The following TUNAR variants were observed in gnomAD, a reference collection of about 807,000 sequenced individuals.
TUNAR encodes transmembrane neural differentiation associated intracellular calcium regulator, also known as protein TUNAR.
chr14:95,880,885 A>G (rs562160735), intron 2 of TUNAR, among the ~76,000 whole-genome samples: 1 of 152,348 alleles, frequency 6.6e-6, no homozygotes, highest in African/African-American at 2.4e-5. Flanking sequence ...TTGTCCTTGC[A>G]ACTCTGCAAA....
intron 2 of TUNAR, among the ~76,000 whole-genome samples, chr14:95,887,741 A>G (rs1319239072): frequency 6.6e-6 from 1 of 152,250 alleles, no homozygotes; most frequent in Non-Finnish European, 1.5e-5. Flanking sequence ...TTTTAATGAA[A>G]GAGGAGAGCA....
At chr14:95,916,097 A>G (rs979113271) in intron 2 of TUNAR, among the ~76,000 whole-genome samples, 1 of 152,232 alleles carries the variant, frequency 6.6e-6, no homozygotes, top group African/African-American at 2.4e-5. Context: ...TAAATCACCA[A>G]TTAACTTATT....
chr14:95,920,292 C>T (rs896632461), intron 2 of TUNAR, among the ~76,000 whole-genome samples: 1 of 151,636 alleles, frequency 6.6e-6, no homozygotes, highest in East Asian at 1.9e-4. Context: ...GTGGGAGGCC[C>T]CTGGGTGCTG....
chr14:95,902,473 T>C (rs1889369647), intron 2 of TUNAR, among the ~76,000 whole-genome samples: 1 of 152,224 alleles, frequency 6.6e-6, no homozygotes. Flanking sequence ...GAAATGTTGA[T>C]GGGTGCAGCC....
intron 2 of TUNAR, among the ~76,000 whole-genome samples, chr14:95,915,661 C>T (rs1472694905): frequency 6.6e-6 from 1 of 152,272 alleles, no homozygotes; most frequent in Admixed American, 6.5e-5. Flanking sequence ...AACCCTGAGT[C>T]CCCCTGCAGG....
intron 2 of TUNAR, among the ~76,000 whole-genome samples, chr14:95,913,881 AG>A (rs1566791782): frequency 4.6e-5 from 7 of 152,118 alleles, no homozygotes. Context: ...TACAGGTGCC[AG>A]CCACCACACC....
intron 2 of TUNAR, among the ~76,000 whole-genome samples, chr14:95,910,382 A>G (rs1299207252): frequency 6.6e-6 from 1 of 152,342 alleles, no homozygotes; most frequent in East Asian, 1.9e-4. Context: ...CGTAGATTAA[A>G]TACTAAATAA....
chr14:95,901,590 G>A (rs550549947), intron 2 of TUNAR, among the ~76,000 whole-genome samples: 6 of 152,318 alleles, frequency 3.9e-5, no homozygotes, highest in African/African-American at 1.2e-4. Context: ...CAGGGCCATC[G>A]TGGACAAATT....
chr14:95,894,699 C>T (rs976117918), intron 2 of TUNAR, among the ~76,000 whole-genome samples: 3 of 152,240 alleles, frequency 2.0e-5, no homozygotes, highest in African/African-American at 7.2e-5. Context: ...CCCCTAAGGC[C>T]ATGCCTGGAA....
intron 2 of TUNAR, 131 bp from the exon 2 acceptor site, chr14:95,922,650 C>A: frequency 2.5e-6 from 1 of 394,616 alleles, no homozygotes. Flanking sequence ...AAGGTAGGAT[C>A]CTTGTGGGAT....
rs143562211 is a variant in TUNAR at position 95,905,610 on chromosome 14, T to C, written c.13-17171T>C. Among the ~76,000 whole-genome samples the C allele has an allele frequency of 5.3e-3, 812 of 152,368 alleles. 6 individuals are homozygous for C. The highest frequency in any genetic ancestry group is 0.037 in the Middle Eastern group (11 of 294). ...CCTCGATCACTGGGTTAAAGGGATG[T>C]CTGCCAGGCTTCACTGTAAAGTCAC... is the stretch of plus-strand genomic sequence containing the variant. On this transcript the variant is annotated intron_variant, in intron 2 of 2. Transcript: ENST00000678517.
intron 2 of TUNAR, among the ~76,000 whole-genome samples, chr14:95,880,077 C>T (rs1421543311): frequency 6.6e-6 from 1 of 152,126 alleles, no homozygotes; most frequent in Non-Finnish European, 1.5e-5. Flanking sequence ...GGCTTTGTGG[C>T]CTTGGGCAAA....
intron 2 of TUNAR, among the ~76,000 whole-genome samples, chr14:95,888,814 G>T (rs903183331): frequency 6.6e-6 from 1 of 152,070 alleles, no homozygotes; most frequent in Non-Finnish European, 1.5e-5. Context: ...GGATGGGGGG[G>T]GCAGTTAGAC....
rs181453417 is a variant in TUNAR at position 95,920,805 on chromosome 14, G to A, written c.13-1976G>A. Among the ~76,000 whole-genome samples the A allele has an allele frequency of 1.2e-3, 190 of 152,278 alleles. 2 individuals carry two copies. Among genetic ancestry groups the A allele is most frequent in the Admixed American group, 2.4e-3 (37 of 15,310 alleles). On this transcript the variant is annotated intron_variant, in intron 2 of 2. Transcript: ENST00000678517. ...CCCGTTTGTGATCCTTCCTGGATAT[G>A]TGCCCTAAGATAGCATTCGAATGAG...
intron 2 of TUNAR, among the ~76,000 whole-genome samples, chr14:95,902,530 A>G (rs1889370497): frequency 6.6e-6 from 1 of 152,246 alleles, no homozygotes; most frequent in African/African-American, 2.4e-5. Flanking sequence ...ATCCACAGCT[A>G]GCATGGCCAA....
intron 2 of TUNAR, among the ~76,000 whole-genome samples, chr14:95,907,033 T>C (rs1015022685): frequency 3.9e-5 from 6 of 152,264 alleles, no homozygotes; most frequent in Non-Finnish European, 7.3e-5. Context: ...AGCATACTGT[T>C]GTATGTTACA....
intron 2 of TUNAR, among the ~76,000 whole-genome samples, chr14:95,913,166 C>T (rs566081557): frequency 6.4e-4 from 81 of 126,948 alleles, no homozygotes; most frequent in African/African-American, 2.5e-3. Flanking sequence ...TTAAATTCTA[C>T]TCTAAGTTCT....
intron 2 of TUNAR, among the ~76,000 whole-genome samples, chr14:95,914,247 T>C (rs1889566278): frequency 6.6e-6 from 1 of 152,098 alleles, no homozygotes; most frequent in Admixed American, 6.5e-5. Context: ...AGGAAGACAA[T>C]CATCTAGAAG....
At chr14:95,905,396 C>T (rs1889415556) in intron 2 of TUNAR, among the ~76,000 whole-genome samples, 1 of 152,190 alleles carries the variant, frequency 6.6e-6, no homozygotes, top group African/African-American at 2.4e-5. Flanking sequence ...CTTTGTCTTC[C>T]ATGACCCTAA....
Sources: gnomAD v4.1 joint callset for allele counts (sites outside exome capture counted in the v4.1 genomes callset) on GRCh38, gnomAD v4.1.1 for gene constraint, MANE v1.5 for transcripts, NCBI Gene and HGNC (gene_info 2026-07-23, HGNC 2026-07-21) for gene names.